The following GALE variants were observed in gnomAD, a reference collection of about 807,000 sequenced individuals.
GALE encodes the protein UDP-glucose 4-epimerase.
In GALE, 32 loss-of-function variants were observed where a neutral mutation model predicts 44.1. That is an observed-to-expected ratio of 0.73 (90% confidence interval 0.55 to 0.97). GALE has a LOEUF of 0.97. GALE is among the 50% of genes least tolerant of loss of function. The pLI, the probability that GALE is intolerant of heterozygous loss-of-function variation, is 0.00. For missense variants in GALE, 423 were observed against 455.6 expected (o/e 0.93, Z 0.65); for synonymous variants, 182 against 183.5 (o/e 0.99, Z 0.06).
In GALE at chr1:23,798,311, C is replaced by CTTT. The variant is rs372075997; in HGVS notation, c.238-84_238-82dup. On this transcript the variant is annotated intron_variant, in intron 4 of 11. Coordinates refer to ENST00000617979, the MANE Select transcript of GALE (RefSeq NM_001008216.2). This position sits in a 1 kb window ranked among gnomAD's most constrained non-coding sequence, Gnocchi z 4.5. The stretch of plus-strand genomic sequence containing the variant: ...CCTCAGCCTGCCTGCCTGCACTCAC[C>CTTT]TTTTTTTTTTTTTTTGACAGTCTCG... The CTTT allele has an allele frequency of 1.0e-4, 81 of 792,684 alleles. No homozygotes were observed. The highest frequency in any genetic ancestry group is 2.3e-4 in the South Asian group (15 of 64,216). 49.1% of individuals were successfully genotyped at this position (792,684 alleles called of 1,614,324 possible).
intron 1 of GALE, chr1:23,799,887 G>C (rs940162970): frequency 6.6e-6 from 1 of 152,434 alleles, no homozygotes; most frequent in East Asian, 1.9e-4. Context: ...TCTGCGGGTA[G>C]TACGGGGAGG....
At chr1:23,797,931 C>CAG in intron 5 of GALE, 60 bp from the exon 6 acceptor site, 1 of 1,558,386 alleles carries the variant, frequency 6.4e-7, no homozygotes, top group Non-Finnish European at 8.9e-7. Context: ...CACCCTGTTA[C>CAG]TCCTCCACAG....
chr1:23,797,474 C>T (rs1263808418), intron 6 of GALE, among the ~76,000 whole-genome samples: 3 of 152,138 alleles, frequency 2.0e-5, no homozygotes, highest in Non-Finnish European at 4.4e-5. Context: ...CCCACCTGGG[C>T]CTCCCAAAGT....
rs905424843 is a variant in GALE at position 23,796,316 on chromosome 1, T to A, written c.874-51A>T. 1.9e-6 allele frequency: 3 copies of A among 1,554,174 alleles called. No homozygotes were observed. The highest frequency in any genetic ancestry group is 2.7e-6 in the Non-Finnish European group (3 of 1,125,316). The stretch of plus-strand genomic sequence containing the variant: ...TTAGCTGAGCCGGCCCTGGCCCAGC[T>A]GCTGGCCAGGTCTTTAAGAAGCAGA... On this transcript the variant is annotated intron_variant, in intron 10 of 11. Coordinates refer to ENST00000617979, the MANE Select transcript of GALE (RefSeq NM_001008216.2). The surrounding 1 kb of genome is among the most constrained non-coding windows in gnomAD (Gnocchi z 5.2).
chr1:23,799,393 G>A lies in GALE; in HGVS notation c.-33C>T, dbSNP rs946118558. 9.2e-6 allele frequency: 3 copies of A among 326,700 alleles called. No individual in the cohort carries two copies. The highest frequency in any genetic ancestry group is 1.2e-5 in the Non-Finnish European group (2 of 166,512). 20.2% of individuals were successfully genotyped at this position (326,700 alleles called of 1,614,324 possible). A position where few individuals can be genotyped will look rare whatever the true frequency, so the allele number is the denominator to read the frequency against. On this transcript the variant is annotated 5_prime_UTR_variant, in exon 2 of 12. Coordinates refer to ENST00000617979, the MANE Select transcript of GALE (RefSeq NM_001008216.2). ...TGGAGTTGGAAAAGATGGAATCTGA[G>A]GATCCACACTTCTTTGTCCAAGGTG...
intron 6 of GALE, among the ~76,000 whole-genome samples, 168 bp downstream of exon 6, chr1:23,797,526 CT>C (rs770402154): frequency 7.2e-5 from 11 of 152,128 alleles, no homozygotes; most frequent in South Asian, 6.2e-4. Flanking sequence ...GGCCAGTTGT[CT>C]ATTTATTATC....
rs1557478101 is a variant in GALE, at chr1:23,796,464, T to TGGGTG, written c.873+40_873+44dup. 2.0e-6 allele frequency: 2 copies of TGGGTG among 990,986 alleles called. No individual in the cohort carries two copies. Among genetic ancestry groups the TGGGTG allele is most frequent in the East Asian group, 6.5e-5 (1 of 15,466 alleles). 61.4% of individuals were successfully genotyped at this position (990,986 alleles called of 1,614,324 possible). A position where few individuals can be genotyped will look rare whatever the true frequency, so the allele number is the denominator to read the frequency against. ...CCAAAGCTGCTCTGTTGCTGAGAGCTGGGTGGGGTGAGGTGGGTGAGGTGG... is the reference window on the plus strand; with the variant it reads ...CCAAAGCTGCTCTGTTGCTGAGAGCTGGGTGGGGTGGGGTGAGGTGGGTGAGGTGG... On this transcript the variant is annotated intron_variant, in intron 10 of 11. Transcript: ENST00000617979. The surrounding 1 kb of genome is among the most constrained non-coding windows in gnomAD (Gnocchi z 5.2).
Position 23,797,161 on chromosome 1 carries a change from G to A in GALE, c.529-14C>T. 6.3e-7 allele frequency: 1 copy of A among 1,581,770 alleles called. No individual in the cohort carries two copies. The highest frequency in any genetic ancestry group is 8.6e-7 in the Non-Finnish European group (1 of 1,158,206). On this transcript the variant is annotated splice_polypyrimidine_tract_variant and intron_variant, in intron 6 of 11. Transcript: ENST00000617979. The stretch of plus-strand genomic sequence containing the variant: ...TGCGTTCCAAGTCTGTGGGATGTGG[G>A]TCAGGTGGTGAGGCCAGAGGCACAG...
At position 23,796,379 on chromosome 1, in the gene GALE, T is replaced by C. The variant is rs1466354774; in HGVS notation, c.874-114A>G. On this transcript the variant is annotated intron_variant, in intron 10 of 11. Coordinates refer to ENST00000617979, the MANE Select transcript of GALE (RefSeq NM_001008216.2). This position sits in a 1 kb window ranked among gnomAD's most constrained non-coding sequence, Gnocchi z 5.2. ...CGGCTGGCCCGCAGGCACCGGGTGC[T>C]AGGCAGGCTGAGGAGACTGGGCAGT... The C allele has an allele frequency of 7.0e-7, 1 of 1,427,800 alleles. No homozygotes were observed. The highest frequency in any genetic ancestry group is 1.7e-5 in the Admixed American group (1 of 57,292). 88.4% of individuals were successfully genotyped at this position (1,427,800 alleles called of 1,614,324 possible).
Position 23,796,457 on chromosome 1 carries a change from T to G in GALE, c.873+52A>C. 21 of 1,426,338 alleles carry G rather than the reference T, an allele frequency of 1.5e-5. No individual in the cohort carries two copies. The highest frequency in any genetic ancestry group is 2.0e-5 in the Non-Finnish European group (21 of 1,072,894). The allele number at this position is 1,426,338 out of a possible 1,614,324, so 88.4% of individuals were successfully genotyped here. A position where few individuals can be genotyped will look rare whatever the true frequency, so the allele number is the denominator to read the frequency against. ...GGAAGGGCCAAAGCTGCTCTGTTGC[T>G]GAGAGCTGGGTGGGGTGAGGTGGGT... On this transcript the variant is annotated intron_variant, in intron 10 of 11. Transcript: ENST00000617979. The surrounding 1 kb of genome is among the most constrained non-coding windows in gnomAD (Gnocchi z 5.2).
In GALE at chr1:23,796,215, G is replaced by GT. The variant is rs763485053; in HGVS notation, c.923dup (p.Tyr308Ter). ...CCTCTTGGGCCAGGCTGGGGTTGGC[G>GT]TAACAGGCTGCCACATCACCTTCCC... is the stretch of plus-strand genomic sequence containing the variant. ...ARREGDVAAC[Y>*]ANPSLAQEEL... Residue 308 changes from tyrosine (Y) to a stop codon, truncating the protein, a stop_gained and frameshift_variant, in exon 11 of 12, where the codon TAC (tyrosine) becomes TAAC (stop). Coordinates refer to ENST00000617979, the MANE Select transcript of GALE (RefSeq NM_001008216.2). LOFTEE classifies it high-confidence loss of function. The surrounding 1 kb of genome is among the most constrained non-coding windows in gnomAD (Gnocchi z 5.2). The GT allele has an allele frequency of 1.2e-6, 2 of 1,614,102 alleles. No individual in the cohort carries two copies. Among genetic ancestry groups the GT allele is most frequent in the Admixed American group, 1.7e-5 (1 of 60,028 alleles).
At position 23,796,081 on chromosome 1, in the gene GALE, G is replaced by C. The variant is rs1638938873; in HGVS notation, c.988+70C>G. ...CCTCCCCCACCCCACAGCCCGCCCT[G>C]GGTGGGCATGCCCAGATCTGATTTA... On this transcript the variant is annotated intron_variant, in intron 11 of 11. Transcript: ENST00000617979. This position sits in a 1 kb window ranked among gnomAD's most constrained non-coding sequence, Gnocchi z 5.2. 3 of 1,602,168 alleles carry C rather than the reference G, an allele frequency of 1.9e-6. No individual in the cohort carries two copies. Among genetic ancestry groups the C allele is most frequent in the Non-Finnish European group, 2.6e-6 (3 of 1,169,858 alleles).
chr1:23,797,575 C>T, intron 6 of GALE, 120 bp downstream of exon 6: 2 of 984,028 alleles, frequency 2.0e-6, no homozygotes, highest in South Asian at 1.3e-5. Flanking sequence ...TCCACTGCAA[C>T]TGCCTGAGCC....
rs1455244262 is a variant in GALE, at chr1:23,798,749, G to A, written c.122-19C>T. On this transcript the variant is annotated intron_variant, in intron 3 of 11. Transcript: ENST00000617979. This position sits in a 1 kb window ranked among gnomAD's most constrained non-coding sequence, Gnocchi z 4.5. ...CCCCCTCCTGGTAGGGTACATGTAG[G>A]CCACATCATCACGACATGGGGTGCT... 6.8e-6 allele frequency: 11 copies of A among 1,609,792 alleles called. No homozygotes were observed. Among genetic ancestry groups the A allele is most frequent in the Non-Finnish European group, 9.4e-6 (11 of 1,176,088 alleles).
At position 23,795,968 on chromosome 1, in the gene GALE, C is replaced by T; in HGVS notation, c.1028G>A (p.Gly343Asp). 6.2e-7 allele frequency: 1 copy of T among 1,614,020 alleles called. No individual in the cohort carries two copies. The highest frequency in any genetic ancestry group is 1.1e-5 in the South Asian group (1 of 91,062). ...GGGTCCTCAGGCTTGCGTGCCAAAGCCTGAAGGATTCTGCTTCTGCCAGCG... is the reference window on the plus strand; with the variant it reads ...GGGTCCTCAGGCTTGCGTGCCAAAGTCTGAAGGATTCTGCTTCTGCCAGCG... ...LWRWQKQNPSGFGTQA is the reference protein window; with the variant it reads ...LWRWQKQNPSDFGTQA The change falls in exon 12 of 12, where the codon GGC becomes GAC. Residue 343 changes from glycine to aspartate, a missense_variant. Physicochemically the swap from Gly to Asp is moderately conservative, Grantham distance 94. Coordinates refer to ENST00000617979, the MANE Select transcript of GALE (RefSeq NM_001008216.2).
At chr1:23,797,659 T>C in intron 6 of GALE, 36 bp downstream of exon 6, 3 of 1,604,446 alleles carry the variant, frequency 1.9e-6, no homozygotes, top group Non-Finnish European at 2.6e-6. Context: ...AGTCCATCGA[T>C]CAGTGGAGCC....
At position 23,796,180 on chromosome 1, in the gene GALE, C is replaced by T; in HGVS notation, c.959G>A (p.Trp320Ter). 2.5e-6 allele frequency: 4 copies of T among 1,614,070 alleles called. No individual in the cohort carries two copies. The highest frequency in any genetic ancestry group is 3.4e-6 in the Non-Finnish European group (4 of 1,179,932). Residue 320 changes from tryptophan (W) to a stop codon, truncating the protein, a stop_gained, in exon 11 of 12, where the codon TGG becomes TAG. Transcript: ENST00000617979. LOFTEE classifies it high-confidence loss of function. This position sits in a 1 kb window ranked among gnomAD's most constrained non-coding sequence, Gnocchi z 5.2. The stretch of plus-strand genomic sequence containing the variant: ...CCTGTCCAGCCCTAAGGCTGCTGTC[C>T]ACCCCAGCTCCTCTTGGGCCAGGCT... ...NPSLAQEELG[W>*]TAALGLDRMC...
chr1:23,798,887 C>A lies in GALE; in HGVS notation c.121G>T (p.Gly41Ter). The A allele has an allele frequency of 6.2e-7, 1 of 1,614,216 alleles. No individual in the cohort carries two copies. The highest frequency in any genetic ancestry group is 8.5e-7 in the Non-Finnish European group (1 of 1,180,038). Residue 41 changes from glycine (G) to a stop codon, truncating the protein, a stop_gained and splice_region_variant, in exon 3 of 12, where the codon GGA becomes TGA. Transcript: ENST00000617979. LOFTEE classifies it high-confidence loss of function. This position sits in a 1 kb window ranked among gnomAD's most constrained non-coding sequence, Gnocchi z 4.5. ...VIDNFHNAFRGGGSLPESLRR... is the reference protein window; with the variant it reads ...VIDNFHNAFR ...GCCCCAGCCCCACTGCCCCGCTCAC[C>A]ACGGAAGGCATTATGGAAGTTATCG...
chr1:23,798,103 C>T lies in GALE; in HGVS notation c.351+14G>A. On this transcript the variant is annotated intron_variant, in intron 5 of 11. Transcript: ENST00000617979. The surrounding 1 kb of genome is among the most constrained non-coding windows in gnomAD (Gnocchi z 4.5). ...CACCCTCCTAGTGTCTGTGCCCTGT[C>T]CCATGCCTCTCACCTCCAGAAGCTG... is the stretch of plus-strand genomic sequence containing the variant. 1 of 1,596,584 alleles carries T rather than the reference C, an allele frequency of 6.3e-7. No individual in the cohort carries two copies. The highest frequency in any genetic ancestry group is 8.6e-7 in the Non-Finnish European group (1 of 1,163,890).
Sources: allele counts gnomAD v4.1 joint callset (sites outside exome capture counted in the v4.1 genomes callset), GRCh38; gene constraint gnomAD v4.1.1; non-coding constraint Gnocchi (gnomAD v3.1); transcripts MANE v1.5; gene names NCBI Gene and HGNC (gene_info 2026-07-23, HGNC 2026-07-21).